TECRL: variants seen among roughly 807,000 people sequenced by gnomAD.
The protein encoded by TECRL is trans-2,3-enoyl-CoA reductase like.
A neutral mutation model predicts 52.8 loss-of-function variants in TECRL; 63 were observed. The ratio of observed to expected loss-of-function variants is 1.19; its 90% confidence interval spans 0.97 to 1.47. The LOEUF is 1.47. Ranked by LOEUF, TECRL falls within the 40% of genes most tolerant of loss-of-function variation. The pLI is 0.00. For missense variants in TECRL, 482 were observed against 429.6 expected (o/e 1.12, Z -1.08); for synonymous variants, 164 against 141.9 (o/e 1.16, Z -1.10).
intron 1 of TECRL, among the ~76,000 whole-genome samples, chr4:64,384,040 T>G (rs1277275607): frequency 6.6e-6 from 1 of 152,106 alleles, no homozygotes; most frequent in Admixed American, 6.6e-5. Flanking sequence ...TAGGCTGCAC[T>G]TGTAGGTGAA....
chr4:64,400,191 G>T (rs1417620772), intron 1 of TECRL, among the ~76,000 whole-genome samples: 1 of 152,140 alleles, frequency 6.6e-6, no homozygotes, highest in Non-Finnish European at 1.5e-5. Context: ...AGATTATTCT[G>T]GAGCTTTAAG....
intron 1 of TECRL, among the ~76,000 whole-genome samples, chr4:64,382,097 C>T (rs1265900135): frequency 2.0e-5 from 3 of 150,616 alleles, no homozygotes; most frequent in African/African-American, 2.4e-5. Flanking sequence ...TGTTTTATTA[C>T]TGATTCAGTT....
chr4:64,344,389 T>C (rs184942116), intron 2 of TECRL, among the ~76,000 whole-genome samples: 214 of 152,074 alleles, frequency 1.4e-3, no homozygotes, highest in African/African-American at 4.7e-3. Context: ...GATATAGGAG[T>C]CTGAAATTCC....
intron 1 of TECRL, among the ~76,000 whole-genome samples, chr4:64,390,061 G>T (rs886212557): frequency 1.3e-5 from 2 of 151,824 alleles, no homozygotes; most frequent in Admixed American, 6.6e-5. Context: ...AAAGCTGCTG[G>T]TTCTTACTGT....
Position 64,281,515 on chromosome 4 carries a change from A to G in TECRL, c.877T>C (p.Trp293Arg). 1 of 1,605,362 alleles carries G rather than the reference A, an allele frequency of 6.2e-7. No individual in the cohort carries two copies. The highest frequency in any genetic ancestry group is 2.2e-5 in the East Asian group (1 of 44,550). The change falls in exon 10 of 12, where the codon TGG (tryptophan) becomes CGG (arginine). Residue 293 changes from tryptophan to arginine, a missense_variant. Physicochemically the swap from Trp to Arg is moderately radical, Grantham distance 101 (BLOSUM62 -3). Coordinates refer to ENST00000381210, the MANE Select transcript of TECRL (RefSeq NM_001010874.5). ...FPSPNYNPFT[W>R]MFFLVSCPNY... is the part of the protein sequence containing the mutation. ...GGACATGAAACCAGGAAAAACATCC[A>G]TGTGAAGGGGTTATAATTTGGACTT...
chr4:64,314,780 AT>A lies in TECRL; in HGVS notation c.436-18del. The A allele has an allele frequency of 6.6e-7, 1 of 1,520,554 alleles. No individual in the cohort carries two copies. The highest frequency in any genetic ancestry group is 9.1e-7 in the Non-Finnish European group (1 of 1,094,902). 94.2% of individuals were successfully genotyped at this position (1,520,554 alleles called of 1,614,324 possible). ...CAAAAACACCTGAAAATAAAACATG[AT>A]TTAGATTAAACGATAAAAATAGATG... On this transcript the variant is annotated intron_variant, in intron 4 of 11. Transcript: ENST00000381210.
intron 4 of TECRL, among the ~76,000 whole-genome samples, chr4:64,322,105 T>C (rs142257814): frequency 3.3e-5 from 5 of 152,266 alleles, no homozygotes; most frequent in African/African-American, 1.2e-4. Flanking sequence ...CTACCTAAGC[T>C]CATTCCTCAG....
At chr4:64,356,720 C>CAG (rs10654817) in intron 2 of TECRL, among the ~76,000 whole-genome samples, 2 of 151,910 alleles carry the variant, frequency 1.3e-5, no homozygotes, top group South Asian at 4.2e-4. Flanking sequence ...GAGACCAATG[C>CAG]GTTAGCAGGT....
At chr4:64,320,364 G>A (rs1408296480) in intron 4 of TECRL, among the ~76,000 whole-genome samples, 2 of 151,798 alleles carry the variant, frequency 1.3e-5, no homozygotes. Flanking sequence ...GTCATATGTG[G>A]TAAAACATTA....
chr4:64,318,482 T>C (rs1047690841), intron 4 of TECRL, among the ~76,000 whole-genome samples: 8 of 152,016 alleles, frequency 5.3e-5, no homozygotes, highest in Admixed American at 1.3e-4. Flanking sequence ...CATGAACACA[T>C]GAAACCACCA....
intron 1 of TECRL, among the ~76,000 whole-genome samples, chr4:64,376,073 G>T (rs570971731): frequency 6.6e-5 from 10 of 151,784 alleles, no homozygotes; most frequent in Middle Eastern, 3.4e-3. Context: ...TAACTGTTTT[G>T]AAAGGGTTAA....
chr4:64,277,626 G>T (rs527255168), downstream of TECRL: 1 of 151,638 alleles, frequency 6.6e-6, no homozygotes, highest in South Asian at 2.1e-4. Flanking sequence ...ACAATATATT[G>T]TCACATATAT....
intron 2 of TECRL, among the ~76,000 whole-genome samples, chr4:64,362,254 T>C (rs1393705520): frequency 6.6e-6 from 1 of 152,058 alleles, no homozygotes; most frequent in East Asian, 1.9e-4. Flanking sequence ...GATGAAGTGA[T>C]GGAGCAACTT....
chr4:64,336,470 A>G (rs1241640998), intron 2 of TECRL, among the ~76,000 whole-genome samples: 1 of 152,092 alleles, frequency 6.6e-6, no homozygotes, highest in Non-Finnish European at 1.5e-5. Flanking sequence ...TCCTGGATAC[A>G]TTGATTTTTT....
intron 3 of TECRL, among the ~76,000 whole-genome samples, chr4:64,325,976 A>T (rs940835692): frequency 6.6e-6 from 1 of 152,254 alleles, no homozygotes; most frequent in African/African-American, 2.4e-5. Flanking sequence ...GGAGAGGAAT[A>T]TATAGGGCCA....
chr4:64,277,002 G>C, downstream of TECRL: 1 of 1,465,880 alleles, frequency 6.8e-7, no homozygotes, highest in East Asian at 2.5e-5. Flanking sequence ...CAACAAGATG[G>C]TGTAAATTTG....
At chr4:64,287,887 C>T (rs1723160363) in intron 9 of TECRL, among the ~76,000 whole-genome samples, 1 of 152,160 alleles carries the variant, frequency 6.6e-6, no homozygotes, top group Non-Finnish European at 1.5e-5. Context: ...TGGCTCATGT[C>T]TGTAATCCCA....
intron 8 of TECRL, chr4:64,299,232 T>C (rs1330413362): frequency 1.3e-5 from 2 of 151,114 alleles, no homozygotes; most frequent in Admixed American, 6.6e-5. Context: ...TTACAAAGTG[T>C]GGCAGGTGAT....
Position 64,280,163 on chromosome 4 carries a change from G to C in TECRL, c.1001C>G (p.Ser334Cys). The C allele has an allele frequency of 6.2e-7, 1 of 1,600,620 alleles. No homozygotes were observed. Among genetic ancestry groups the C allele is most frequent in the Non-Finnish European group, 8.5e-7 (1 of 1,174,024 alleles). ...CTTATGTTTCTTTTGTGCCCACAAA[G>C]ACATCTGGATACTCATCAGAAGTGT... is the stretch of plus-strand genomic sequence containing the variant. ...IFTLLMSIQM[S>C]LWAQKKHKIY... Residue 334 changes from serine (S) to cysteine (C), a missense_variant, in exon 12 of 12, where the codon TCT becomes TGT. By Grantham distance (112) the Ser-to-Cys change is moderately radical. Transcript: ENST00000381210.
Sources: allele counts gnomAD v4.1 joint callset (sites outside exome capture counted in the v4.1 genomes callset), GRCh38; gene constraint gnomAD v4.1.1; transcripts MANE v1.5; gene names NCBI Gene and HGNC (gene_info 2026-07-23, HGNC 2026-07-21).